IL13RA1: variants seen among roughly 807,000 people sequenced by gnomAD.
IL13RA1 encodes the protein interleukin-13 receptor subunit alpha-1.
A neutral mutation model predicts 33.8 loss-of-function variants in IL13RA1; 14 were observed. That is an observed-to-expected ratio of 0.41 (90% CI 0.27 to 0.65). IL13RA1 has a LOEUF of 0.65. Among genes scored for constraint, IL13RA1 ranks in the 30% least tolerant of loss-of-function variants. The pLI, the probability that IL13RA1 is intolerant of heterozygous loss-of-function variation, is 0.28. For synonymous variants in IL13RA1, 116 were observed against 115.7 expected (o/e 1.00, Z -0.02); for missense variants, 313 against 327.0 (o/e 0.96, Z 0.33).
the IL13RA1 span, among the ~76,000 whole-genome samples, chrX:118,803,333 T>C: frequency 7.1e-5 from 8 of 112,211 alleles, no homozygotes; most frequent in Non-Finnish European, 1.5e-4. Context: ...TCAACTAGCT[T>C]CAACAATTAT....
intron 10 of IL13RA1, among the ~76,000 whole-genome samples, chrX:118,784,566 A>G (rs1221087512): frequency 9.0e-6 from 1 of 111,507 alleles, no homozygotes; most frequent in Non-Finnish European, 1.9e-5. Context: ...GTGTCCTCAT[A>G]TAGAGCCCTC....
chrX:118,800,962 A>G, the IL13RA1 span, among the ~76,000 whole-genome samples: 1 of 110,187 alleles, frequency 9.1e-6, no homozygotes, highest in African/African-American at 3.3e-5. Context: ...GTTAATTTTT[A>G]TTTTTTTGTA....
intron 2 of IL13RA1, among the ~76,000 whole-genome samples, 194 bp downstream of exon 2, chrX:118,741,350 CAATT>C (rs2017342282): frequency 8.9e-6 from 1 of 112,151 alleles, no homozygotes; most frequent in Non-Finnish European, 1.9e-5. Flanking sequence ...AATTATTTGA[CAATT>C]AAATGCAATT....
intron 3 of IL13RA1, among the ~76,000 whole-genome samples, chrX:118,748,860 C>T (rs2017439847): frequency 9.0e-6 from 1 of 111,324 alleles, no homozygotes. Flanking sequence ...TAAGAGGCAA[C>T]TACTAAGAGT....
chrX:118,740,395 C>T (rs779337985), intron 1 of IL13RA1, among the ~76,000 whole-genome samples: 1 of 112,298 alleles, frequency 8.9e-6, no homozygotes, highest in African/African-American at 3.2e-5. Flanking sequence ...ACCTTGGAGC[C>T]ACACTTTTCA....
At chrX:118,749,801 C>T in intron 4 of IL13RA1, 23 bp downstream of exon 4, 1 of 1,052,658 alleles carries the variant, frequency 9.5e-7, no homozygotes, top group Non-Finnish European at 1.3e-6. Context: ...AGTACAATTA[C>T]TGGAAGACTG....
At chrX:118,786,715 G>T (rs1038297223) in intron 10 of IL13RA1, among the ~76,000 whole-genome samples, 65 of 111,038 alleles carry the variant, frequency 5.9e-4, no homozygotes, top group Non-Finnish European at 5.3e-4. Flanking sequence ...TTTCTTTTTT[G>T]TCGCTCTTGT....
chrX:118,766,920 A>G lies in IL13RA1; in HGVS notation c.953A>G (p.Lys318Arg). Residue 318 changes from lysine to arginine, a missense_variant, in exon 8 of 11, where the codon AAG (lysine) becomes AGG (arginine). Transcript: ENST00000371666. Reference sequence around the variant, plus strand: ...GTCAGAATAAGAGTCAAAACAAATAAGTTATGCTATGAGGATGACAAACTC... The same window carrying G: ...GTCAGAATAAGAGTCAAAACAAATAGGTTATGCTATGAGGATGACAAACTC... ...NTVRIRVKTN[K>R]LCYEDDKLWS... 1 of 1,110,833 alleles carries G rather than the reference A, an allele frequency of 9.0e-7. No homozygotes were observed. The highest frequency in any genetic ancestry group is 1.2e-6 in the Non-Finnish European group (1 of 806,056). The allele number at this position is 1,110,833 out of a possible 1,213,427, so 91.5% of individuals were successfully genotyped here.
intron 4 of IL13RA1, among the ~76,000 whole-genome samples, chrX:118,757,748 T>C (rs1401692265): frequency 1.1e-5 from 1 of 88,344 alleles, no homozygotes; most frequent in Non-Finnish European, 2.1e-5. Context: ...TGGAGTGCAG[T>C]GGTGCAATCT....
chrX:118,732,200 A>G (rs1048983854), intron 1 of IL13RA1, among the ~76,000 whole-genome samples: 35 of 110,770 alleles, frequency 3.2e-4, no homozygotes, highest in African/African-American at 1.0e-3. Context: ...ATTAAACAAT[A>G]ACTCCTCATT....
intron 7 of IL13RA1, 23 bp downstream of exon 7, chrX:118,766,600 A>G (rs767709041): frequency 4.3e-6 from 4 of 931,374 alleles, no homozygotes; most frequent in Non-Finnish European, 4.7e-6. Context: ...AACATTAGCT[A>G]TTTGGGTTTA....
chrX:118,744,861 T>C (rs1238187933), intron 2 of IL13RA1, among the ~76,000 whole-genome samples: 1 of 112,358 alleles, frequency 8.9e-6, no homozygotes, highest in African/African-American at 3.2e-5. Flanking sequence ...GACTGTACAG[T>C]CTAATTTGAC....
At chrX:118,751,923 A>G (rs990466684) in intron 4 of IL13RA1, among the ~76,000 whole-genome samples, 27 of 103,396 alleles carry the variant, frequency 2.6e-4, no homozygotes, top group Non-Finnish European at 4.5e-4. Context: ...AAAAAAAGTA[A>G]CACACATTTT....
intron 1 of IL13RA1, 73 bp downstream of exon 1, chrX:118,727,799 C>T (rs1237919241): frequency 1.6e-5 from 7 of 449,688 alleles, no homozygotes; most frequent in Non-Finnish European, 2.2e-5. Context: ...TGAAAGGCCC[C>T]GGAGGTCAAC....
chrX:118,796,692 C>T (rs956730837), downstream of IL13RA1, among the ~76,000 whole-genome samples: 9 of 111,426 alleles, frequency 8.1e-5, no homozygotes, highest in African/African-American at 2.6e-4. Flanking sequence ...ACCGCCACCA[C>T]GCCCGGCTAA....
At chrX:118,776,217 C>T (rs936282014) in intron 9 of IL13RA1, among the ~76,000 whole-genome samples, 2 of 112,056 alleles carry the variant, frequency 1.8e-5, no homozygotes, top group Non-Finnish European at 3.8e-5. Context: ...GGTCCCTGTG[C>T]TCCACCTATG....
At chrX:118,753,678 C>T (rs1183577451) in intron 4 of IL13RA1, among the ~76,000 whole-genome samples, 2 of 113,237 alleles carry the variant, frequency 1.8e-5, no homozygotes, top group Non-Finnish European at 3.7e-5. Flanking sequence ...AGGTGTGTAC[C>T]ACCATGCCCA....
At chrX:118,754,648 A>G (rs1259547659) in intron 4 of IL13RA1, among the ~76,000 whole-genome samples, 1 of 102,767 alleles carries the variant, frequency 9.7e-6, no homozygotes, top group Non-Finnish European at 1.9e-5. Context: ...AAAAAAAAAT[A>G]CTATTTATTA....
intron 8 of IL13RA1, among the ~76,000 whole-genome samples, chrX:118,767,440 CAG>C (rs905509563): frequency 9.0e-6 from 1 of 110,664 alleles, no homozygotes; most frequent in African/African-American, 3.3e-5. Context: ...ACCCAAGAGG[CAG>C]AGATGGGAAG....
Sources: allele counts gnomAD v4.1 joint callset (sites outside exome capture counted in the v4.1 genomes callset), GRCh38; gene constraint gnomAD v4.1.1; transcripts MANE v1.5; gene names NCBI Gene and HGNC (gene_info 2026-07-23, HGNC 2026-07-21).